Variants in ZRANB3 observed in about 807,000 individuals in gnomAD.
The protein encoded by ZRANB3 is zinc finger RANBP2-type containing 3, also known as DNA annealing helicase and endonuclease ZRANB3.
In ZRANB3, 125 loss-of-function variants were observed where a neutral mutation model predicts 133.8. The observed-to-expected ratio is 0.93, with a 90% CI of 0.81 to 1.08. The LOEUF (loss-of-function observed/expected upper bound fraction) is 1.08. Ranked by LOEUF, ZRANB3 falls within the 50% of genes least tolerant of loss-of-function variation. ZRANB3 has a pLI of 0.00. For missense variants in ZRANB3, 1,229 were observed against 1,275.5 expected (o/e 0.96, Z 0.56); for synonymous variants, 387 against 432.7 (o/e 0.89, Z 1.31).
chr2:135,395,352 T>G (rs943773693), intron 2 of ZRANB3, among the ~76,000 whole-genome samples: 3 of 150,738 alleles, frequency 2.0e-5, no homozygotes, highest in African/African-American at 7.3e-5. Context: ...CAAAATGGAT[T>G]AAAGACTTAA....
chr2:135,291,299 C>G (rs1681712770), intron 8 of ZRANB3, among the ~76,000 whole-genome samples: 1 of 152,166 alleles, frequency 6.6e-6, no homozygotes, highest in Admixed American at 6.5e-5. Flanking sequence ...TCTCCAGCCT[C>G]AGCATCCCAA....
chr2:135,273,200 AAAAAAAG>A (rs912782167), intron 9 of ZRANB3, among the ~76,000 whole-genome samples: 20 of 150,456 alleles, frequency 1.3e-4, no homozygotes, highest in African/African-American at 4.7e-4. Context: ...AAAAAAGAAA[AAAAAAAG>A]AAAAAAAGAA....
At chr2:135,478,227 G>C (rs942159935) in intron 2 of ZRANB3, among the ~76,000 whole-genome samples, 1 of 151,844 alleles carries the variant, frequency 6.6e-6, no homozygotes, top group Admixed American at 6.6e-5. Flanking sequence ...GAAAAGCAAA[G>C]TACATGTAAT....
chr2:135,452,767 T>C (rs558434640), intron 2 of ZRANB3, among the ~76,000 whole-genome samples: 20 of 152,322 alleles, frequency 1.3e-4, no homozygotes, highest in African/African-American at 4.8e-4. Flanking sequence ...CCCCTGTGGC[T>C]TTGCAGGGTA....
At chr2:135,338,769 AT>A (rs1684488714) in intron 6 of ZRANB3, among the ~76,000 whole-genome samples, 2 of 152,194 alleles carry the variant, frequency 1.3e-5, no homozygotes, top group African/African-American at 4.8e-5. Flanking sequence ...TAAACACGCA[AT>A]TTCAATTTTG....
At chr2:135,284,391 A>C (rs1386052520) in intron 8 of ZRANB3, among the ~76,000 whole-genome samples, 1 of 152,104 alleles carries the variant, frequency 6.6e-6, no homozygotes, top group Non-Finnish European at 1.5e-5. Flanking sequence ...ATAACCTATG[A>C]CTCCTGGCTT....
At chr2:135,228,046 A>C in intron 13 of ZRANB3, 31 bp from the exon 14 acceptor site, 2 of 1,451,454 alleles carry the variant, frequency 1.4e-6, no homozygotes, top group South Asian at 2.7e-5. Flanking sequence ...ACAAAAATGT[A>C]ATAATTTACA....
chr2:135,504,377 A>C lies in ZRANB3; in HGVS notation c.113T>G (p.Leu38Arg), dbSNP rs1459869537. 6.2e-7 allele frequency: 1 copy of C among 1,613,582 alleles called. No homozygotes were observed. Among genetic ancestry groups the C allele is most frequent in the Non-Finnish European group, 8.5e-7 (1 of 1,179,744 alleles). Reference sequence around the variant, plus strand: ...AATGATGCCATCTTTCTGGAATGGAAGTAGCTTTGCTCTTAGTCTGTCAGG... The same window carrying C: ...AATGATGCCATCTTTCTGGAATGGACGTAGCTTTGCTCTTAGTCTGTCAGG... ...FLPDRLRAKL[L>R]PFQKDGIIFA... Residue 38 changes from leucine (L) to arginine (R), a missense_variant, in exon 2 of 21, where the codon CTT (leucine) becomes CGT (arginine). Physicochemically the swap from Leu to Arg is moderately radical, Grantham distance 102. Coordinates refer to ENST00000264159, the MANE Select transcript of ZRANB3 (RefSeq NM_032143.4).
chr2:135,510,513 G>A (rs1317657626), intron 1 of ZRANB3: 1 of 608,070 alleles, frequency 1.6e-6, no homozygotes, highest in Non-Finnish European at 3.0e-6. Context: ...TAGGAGCTAG[G>A]GTTTGTATGG....
At chr2:135,501,264 C>G (rs544881037) in intron 2 of ZRANB3, among the ~76,000 whole-genome samples, 1 of 152,046 alleles carries the variant, frequency 6.6e-6, no homozygotes, top group African/African-American at 2.4e-5. Flanking sequence ...ATGCCACTCA[C>G]CAATGAAGAC....
At chr2:135,422,885 A>G (rs1339795684) in intron 2 of ZRANB3, among the ~76,000 whole-genome samples, 1 of 152,200 alleles carries the variant, frequency 6.6e-6, no homozygotes, top group Non-Finnish European at 1.5e-5. Context: ...GCTACTGTAA[A>G]AAAGTACCAC....
chr2:135,293,999 A>G (rs1244738934), intron 8 of ZRANB3, among the ~76,000 whole-genome samples: 1 of 152,108 alleles, frequency 6.6e-6, no homozygotes, highest in African/African-American at 2.4e-5. Flanking sequence ...TCGGTTTGCC[A>G]GTATTTTATT....
chr2:135,392,365 G>T lies in ZRANB3; in HGVS notation c.162-1545C>A, dbSNP rs1687277968. 2.5e-5 allele frequency among the ~76,000 whole-genome samples: 3 copies of T among 122,100 alleles called. No individual in the cohort carries two copies. The South Asian group carries it at 8.6e-4, about 35-fold the overall frequency. The allele number at this position is 122,100 out of a possible 152,430, so 80.1% of individuals were successfully genotyped here. Reference sequence around the variant, plus strand: ...TACAAAAAAAAAAAAAGGGGGGGGGGGCAGGAAAAAAACTTTTTCTATTTT... The same window carrying T: ...TACAAAAAAAAAAAAAGGGGGGGGGTGCAGGAAAAAAACTTTTTCTATTTT... On this transcript the variant is annotated intron_variant, in intron 2 of 20. Coordinates refer to ENST00000264159, the MANE Select transcript of ZRANB3 (RefSeq NM_032143.4).
chr2:135,405,493 C>G (rs1558975889), intron 2 of ZRANB3, among the ~76,000 whole-genome samples: 1 of 152,194 alleles, frequency 6.6e-6, no homozygotes, highest in Non-Finnish European at 1.5e-5. Flanking sequence ...ACAGAACTCT[C>G]CATCCCAAAT....
chr2:135,294,177 C>T (rs1307141391), intron 8 of ZRANB3, among the ~76,000 whole-genome samples: 1 of 152,184 alleles, frequency 6.6e-6, no homozygotes, highest in East Asian at 1.9e-4. Context: ...ATGGTACCAG[C>T]TCTTCCTTGT....
At chr2:135,216,160 A>C (rs1287967618) in intron 17 of ZRANB3, among the ~76,000 whole-genome samples, 2 of 152,242 alleles carry the variant, frequency 1.3e-5, no homozygotes, top group South Asian at 2.1e-4. Context: ...CTTACAAACA[A>C]ATAAATGTAC....
At chr2:135,290,656 C>T (rs1439925499) in intron 8 of ZRANB3, among the ~76,000 whole-genome samples, 1 of 151,302 alleles carries the variant, frequency 6.6e-6, no homozygotes, top group African/African-American at 2.5e-5. Flanking sequence ...TGCCTGAATA[C>T]CTTGGGCTCC....
At chr2:135,271,533 T>G (rs140085538) in intron 10 of ZRANB3, 4 of 568,866 alleles carry the variant, frequency 7.0e-6, no homozygotes, top group Admixed American at 6.1e-5. Context: ...TACTCTTCTT[T>G]GAAAGTATAT....
intron 1 of ZRANB3, among the ~76,000 whole-genome samples, chr2:135,520,407 G>T (rs1410732034): frequency 6.9e-6 from 1 of 144,104 alleles, no homozygotes; most frequent in South Asian, 2.3e-4. Context: ...AGAGAAAAAA[G>T]GATTTCTTTT....
Sources: allele counts gnomAD v4.1 joint callset (sites outside exome capture counted in the v4.1 genomes callset), GRCh38; gene constraint gnomAD v4.1.1; transcripts MANE v1.5; gene names NCBI Gene and HGNC (gene_info 2026-07-23, HGNC 2026-07-21).